Variants in TTC9C observed in about 807,000 individuals in gnomAD.
The protein encoded by TTC9C is tetratricopeptide repeat domain 9C, also known as tetratricopeptide repeat protein 9C.
A neutral mutation model predicts 22.5 loss-of-function variants in TTC9C; 15 were observed. That is an observed-to-expected ratio of 0.67 (90% confidence interval 0.45 to 1.03). The LOEUF (loss-of-function observed/expected upper bound fraction) is 1.03. Among genes scored for constraint, TTC9C ranks in the 50% least tolerant of loss-of-function variants. The pLI is 0.00. For synonymous variants in TTC9C, 92 were observed against 86.8 expected (o/e 1.06, Z -0.33); for missense variants, 244 against 214.6 (o/e 1.14, Z -0.86).
At chr11:62,728,432 C>T (rs544425415), upstream of TTC9C, 4 of 452,726 alleles carry the variant, frequency 8.8e-6, no homozygotes, top group Non-Finnish European at 1.8e-5. Flanking sequence ...GTCCCGCCCA[C>T]TCCCTTCTAC....
At chr11:62,738,266 T>A (rs751511090) in intron 2 of TTC9C, 22 bp from the exon 3 acceptor site, 3 of 1,527,244 alleles carry the variant, frequency 2.0e-6, no homozygotes, top group Admixed American at 3.4e-5. Context: ...TGTTTCTAAT[T>A]GCTTCTCCAT....
chr11:62,735,315 G>A (rs1489998310), intron 1 of TTC9C, 67 bp from the exon 2 acceptor site: 1 of 1,580,950 alleles, frequency 6.3e-7, no homozygotes, highest in Non-Finnish European at 8.6e-7. Flanking sequence ...ACTGTCTTGA[G>A]CTGGCCAGTG....
rs561775595 is a variant in TTC9C, at chr11:62,731,452, C to G, written c.238+2366C>G. Among the ~76,000 whole-genome samples the G allele has an allele frequency of 4.9e-3, 751 of 152,124 alleles. 1 individual carries two copies. The highest frequency in any genetic ancestry group is 7.0e-3 in the Non-Finnish European group (479 of 68,012). ...TCTCTACAAAAAATACAAAAATTAG[C>G]CAGGCATGGTTGTGCTTGCCGGTAG... On this transcript the variant is annotated intron_variant, in intron 1 of 2. Transcript: ENST00000316461.
chr11:62,735,547 T>G lies in TTC9C; in HGVS notation c.404T>G (p.Val135Gly), dbSNP rs1253701764. 1.9e-6 allele frequency: 3 copies of G among 1,613,312 alleles called. No individual in the cohort carries two copies. Among genetic ancestry groups the G allele is most frequent in the Non-Finnish European group, 2.5e-6 (3 of 1,179,500 alleles). Residue 135 changes from valine (V) to glycine (G), a missense_variant, in exon 2 of 3, where the codon GTG becomes GGG. Physicochemically the swap from Val to Gly is moderately radical, Grantham distance 109. Coordinates refer to ENST00000316461, the MANE Select transcript of TTC9C (RefSeq NM_173810.4). Reference sequence around the variant, plus strand: ...GCCCGCCACTACCTCCTGGCTGCCGTGAATAGGCAGCCTAAAGGTAAGCAA... The same window carrying G: ...GCCCGCCACTACCTCCTGGCTGCCGGGAATAGGCAGCCTAAAGGTAAGCAA... ...DQARHYLLAA[V>G]NRQPKDANVR... is the part of the protein sequence containing the mutation.
chr11:62,736,236 A>C (rs1339668608), intron 2 of TTC9C: 10 of 150,932 alleles, frequency 6.6e-5, no homozygotes, highest in African/African-American at 1.5e-4. Context: ...AAAAAAAAAA[A>C]AAAAAAACAG....
At chr11:62,734,997 A>G (rs2083894014) in intron 1 of TTC9C, among the ~76,000 whole-genome samples, 1 of 152,154 alleles carries the variant, frequency 6.6e-6, no homozygotes, top group Admixed American at 6.6e-5. Context: ...CCCAGGTCCA[A>G]GCGATTCTCT....
rs1565173999 is a variant in TTC9C, at chr11:62,738,275, A to G, written c.422-13A>G. On this transcript the variant is annotated splice_polypyrimidine_tract_variant and intron_variant, in intron 2 of 2. Coordinates refer to ENST00000316461, the MANE Select transcript of TTC9C (RefSeq NM_173810.4). ...TCTAACTGTTTCTAATTGCTTCTCCATCATCTTCCAAGATGCCAACGTCCG... is the reference window on the plus strand; with the variant it reads ...TCTAACTGTTTCTAATTGCTTCTCCGTCATCTTCCAAGATGCCAACGTCCG... The G allele has an allele frequency of 1.3e-6, 2 of 1,582,980 alleles. No individual in the cohort carries two copies. The highest frequency in any genetic ancestry group is 1.7e-6 in the Non-Finnish European group (2 of 1,154,302).
Position 62,738,418 on chromosome 11 carries a change from T to A in TTC9C, c.*36T>A, listed in dbSNP as rs1291182900. On this transcript the variant is annotated 3_prime_UTR_variant, in exon 3 of 3. Coordinates refer to ENST00000316461, the MANE Select transcript of TTC9C (RefSeq NM_173810.4). The stretch of plus-strand genomic sequence containing the variant: ...AGATGCTCCTCCAGTTGAACTTAGG[T>A]GGACCATTAAACATGCATGAAGGAG... 7.1e-7 allele frequency: 1 copy of A among 1,418,344 alleles called. No homozygotes were observed. Among genetic ancestry groups the A allele is most frequent in the Middle Eastern group, 1.7e-4 (1 of 5,744 alleles). The allele number at this position is 1,418,344 out of a possible 1,614,324, so 87.9% of individuals were successfully genotyped here. A position where few individuals can be genotyped will look rare whatever the true frequency, so the allele number is the denominator to read the frequency against.
rs1260361791 is a variant in TTC9C, at chr11:62,733,673, G to A, written c.239-1709G>A. 2.0e-5 allele frequency among the ~76,000 whole-genome samples: 3 copies of A among 150,832 alleles called. 1 individual carries two copies. Among genetic ancestry groups the A allele is most frequent in the Non-Finnish European group, 3.0e-5 (2 of 67,780 alleles). ...GGCTGGAGTGCAGTGGTACAATCTC[G>A]GCTCACTGCATATCTAATTTTATAT... On this transcript the variant is annotated intron_variant, in intron 1 of 2. Coordinates refer to ENST00000316461, the MANE Select transcript of TTC9C (RefSeq NM_173810.4).
chr11:62,729,105 G>A lies in TTC9C; in HGVS notation c.238+19G>A, dbSNP rs751156122. On this transcript the variant is annotated intron_variant, in intron 1 of 2. Coordinates refer to ENST00000316461, the MANE Select transcript of TTC9C (RefSeq NM_173810.4). ...CTAGCTGGTAAGAACGGGGCTAAAGGGTGGCTAGAGAGCATTAAGACAGGA... is the reference window on the plus strand; with the variant it reads ...CTAGCTGGTAAGAACGGGGCTAAAGAGTGGCTAGAGAGCATTAAGACAGGA... The A allele has an allele frequency of 2.5e-6, 4 of 1,604,936 alleles. No individual in the cohort carries two copies. In the South Asian group the frequency reaches 3.3e-5, roughly 13 times the overall value.
At chr11:62,732,539 G>A (rs984359385) in intron 1 of TTC9C, among the ~76,000 whole-genome samples, 1 of 151,826 alleles carries the variant, frequency 6.6e-6, no homozygotes, top group African/African-American at 2.4e-5. Flanking sequence ...GAACCTGGGA[G>A]GCGGAGGTTG....
Position 62,728,566 on chromosome 11 carries a change from C to T in TTC9C, c.-283C>T, listed in dbSNP as rs767406081. The T allele has an allele frequency of 5.5e-6, 3 of 547,962 alleles. No individual in the cohort carries two copies. Among genetic ancestry groups the T allele is most frequent in the Non-Finnish European group, 1.0e-5 (3 of 287,534 alleles). The allele number at this position is 547,962 out of a possible 1,614,324, so 33.9% of individuals were successfully genotyped here. ...TTCTTCGGAAAGTCTCATCCACCCCCACATCGCCTCTTTAGGAAGTCACTT... is the reference window on the plus strand; with the variant it reads ...TTCTTCGGAAAGTCTCATCCACCCCTACATCGCCTCTTTAGGAAGTCACTT... On this transcript the variant is annotated 5_prime_UTR_variant, in exon 1 of 3. Coordinates refer to ENST00000316461, the MANE Select transcript of TTC9C (RefSeq NM_173810.4).
chr11:62,733,987 C>T (rs1178451447), intron 1 of TTC9C, among the ~76,000 whole-genome samples: 1 of 149,454 alleles, frequency 6.7e-6, no homozygotes, highest in Non-Finnish European at 1.5e-5. Flanking sequence ...GCGAGACCTC[C>T]ATCTCAAAAA....
chr11:62,732,408 A>G (rs1271961220), intron 1 of TTC9C, among the ~76,000 whole-genome samples: 1 of 151,898 alleles, frequency 6.6e-6, no homozygotes, highest in Non-Finnish European at 1.5e-5. Context: ...CAGGAGTTCA[A>G]GACCAGCCTG....
chr11:62,731,176 A>G (rs1377225010), intron 1 of TTC9C, among the ~76,000 whole-genome samples: 1 of 152,198 alleles, frequency 6.6e-6, no homozygotes, highest in Admixed American at 6.5e-5. Context: ...GGTGTGAGCC[A>G]CCATGCCCTT....
chr11:62,730,490 C>T (rs1250869229), intron 1 of TTC9C, among the ~76,000 whole-genome samples: 3 of 152,182 alleles, frequency 2.0e-5, no homozygotes, highest in African/African-American at 7.2e-5. Context: ...AAATCAGATC[C>T]TGTCACTGCC....
chr11:62,728,987 T>G lies in TTC9C; in HGVS notation c.139T>G (p.Ser47Ala). The change falls in exon 1 of 3, where the codon TCT becomes GCT. Residue 47 changes from serine (S) to alanine (A), a missense_variant. Physicochemically the swap from Ser to Ala is moderately conservative, Grantham distance 99. Coordinates refer to ENST00000316461, the MANE Select transcript of TTC9C (RefSeq NM_173810.4). ...GCGGGGTCTGGATCCGAGTCTGCCC[T>G]CTCCGTTACCTAATCTCGGACCTCA... ...QLRGLDPSLP[S>A]PLPNLGPQGP... The G allele has an allele frequency of 6.2e-7, 1 of 1,614,012 alleles. No homozygotes were observed. The highest frequency in any genetic ancestry group is 8.5e-7 in the Non-Finnish European group (1 of 1,180,010).
intron 2 of TTC9C, among the ~76,000 whole-genome samples, chr11:62,736,709 A>C (rs78970395): frequency 6.7e-6 from 1 of 149,766 alleles, no homozygotes; most frequent in African/African-American, 2.5e-5. Context: ...AAAAAAAAAA[A>C]GCTGGGCGTG....
chr11:62,733,887 G>T (rs1166520842), intron 1 of TTC9C, among the ~76,000 whole-genome samples: 1 of 152,006 alleles, frequency 6.6e-6, no homozygotes, highest in Non-Finnish European at 1.5e-5. Context: ...AGTTACTCAG[G>T]AGGCTGAGGC....
Sources: gnomAD v4.1 joint callset for allele counts (sites outside exome capture counted in the v4.1 genomes callset) on GRCh38, gnomAD v4.1.1 for gene constraint, MANE v1.5 for transcripts, NCBI Gene and HGNC (gene_info 2026-07-23, HGNC 2026-07-21) for gene names.